The following CACNA2D1 variants were observed in gnomAD, a reference collection of about 807,000 sequenced individuals.
CACNA2D1 encodes the protein calcium voltage-gated channel auxiliary subunit alpha2delta 1, also known as voltage-dependent calcium channel subunit alpha-2/delta-1.
CACNA2D1 carries 53 observed loss-of-function variants against 171.5 expected under a neutral mutation model. The ratio of observed to expected loss-of-function variants is 0.31; its 90% CI spans 0.25 to 0.39. CACNA2D1 has a LOEUF of 0.39. Among genes scored for constraint, CACNA2D1 ranks in the 10% least tolerant of loss-of-function variants. CACNA2D1 has a pLI of 1.00. For missense variants in CACNA2D1, 903 were observed against 1,299.8 expected (o/e 0.69, Z 4.69); for synonymous variants, 442 against 443.1 (o/e 1.00, Z 0.03).
chr7:82,328,838 T>C (rs1483231895), intron 3 of CACNA2D1, among the ~76,000 whole-genome samples: 2 of 152,170 alleles, frequency 1.3e-5, no homozygotes, highest in African/African-American at 4.8e-5. Context: ...ACTACAGTCT[T>C]TATTCTGTTC....
rs78262868 is a variant in CACNA2D1, at chr7:82,290,273, A to C, written c.294+44862T>G. ...GGATGCCTCAAATATTTTCATGAGG[A>C]GGTAAAGGAGGAGGAGGCATTAATT... is the stretch of plus-strand genomic sequence containing the variant. On this transcript the variant is annotated intron_variant, in intron 3 of 38. Coordinates refer to ENST00000356860, the MANE Select transcript of CACNA2D1 (RefSeq NM_000722.4). Among the ~76,000 whole-genome samples the C allele has an allele frequency of 6.7e-3, 1,015 of 152,240 alleles. 7 individuals are homozygous for C. The highest frequency in any genetic ancestry group is 0.023 in the African/African-American group (952 of 41,550).
At chr7:82,225,981 A>G (rs999398874) in intron 3 of CACNA2D1, among the ~76,000 whole-genome samples, 5 of 152,226 alleles carry the variant, frequency 3.3e-5, no homozygotes, top group African/African-American at 4.8e-5. Context: ...AACCAATTCC[A>G]AAATGTAAAG....
At chr7:82,198,975 A>G (rs1178591085) in intron 3 of CACNA2D1, among the ~76,000 whole-genome samples, 4 of 152,062 alleles carry the variant, frequency 2.6e-5, no homozygotes, top group African/African-American at 9.7e-5. Context: ...TCACATTTAC[A>G]AGGAAGAATT....
intron 3 of CACNA2D1, among the ~76,000 whole-genome samples, chr7:82,278,662 T>C (rs1809680024): frequency 6.6e-6 from 1 of 151,906 alleles, no homozygotes; most frequent in African/African-American, 2.4e-5. Context: ...AAGTCTGTTA[T>C]AAAACTCATG....
At position 82,138,327 on chromosome 7, in the gene CACNA2D1, A is replaced by G. The variant is rs193102229; in HGVS notation, c.355-1651T>C. Among the ~76,000 whole-genome samples the G allele has an allele frequency of 9.1e-4, 138 of 152,272 alleles. 1 individual carries two copies. The highest frequency in any genetic ancestry group is 3.0e-3 in the African/African-American group (125 of 41,592). ...AATTTGAATTTCATTTAGAATCACTAAAGTTTTACATTATTTGATTTTCAA... is the reference window on the plus strand; with the variant it reads ...AATTTGAATTTCATTTAGAATCACTGAAGTTTTACATTATTTGATTTTCAA... On this transcript the variant is annotated intron_variant, in intron 4 of 38. Coordinates refer to ENST00000356860, the MANE Select transcript of CACNA2D1 (RefSeq NM_000722.4).
intron 3 of CACNA2D1, among the ~76,000 whole-genome samples, chr7:82,181,487 A>C (rs1346276581): frequency 6.6e-6 from 1 of 152,218 alleles, no homozygotes; most frequent in Non-Finnish European, 1.5e-5. Flanking sequence ...ATCTCTCCCT[A>C]GGTCTACTGA....
intron 5 of CACNA2D1, among the ~76,000 whole-genome samples, chr7:82,125,728 A>G (rs1392634493): frequency 6.6e-6 from 1 of 152,154 alleles, no homozygotes; most frequent in African/African-American, 2.4e-5. Context: ...AAAAAATAAA[A>G]TTGAACATAT....
intron 7 of CACNA2D1, among the ~76,000 whole-genome samples, chr7:82,067,353 A>G (rs944978788): frequency 6.6e-6 from 1 of 152,296 alleles, no homozygotes; most frequent in African/African-American, 2.4e-5. Context: ...TCCTGGGCAA[A>G]TGCCTAGTTC....
At chr7:82,031,369 C>T (rs1172609179) in intron 12 of CACNA2D1, among the ~76,000 whole-genome samples, 1 of 151,866 alleles carries the variant, frequency 6.6e-6, no homozygotes, top group East Asian at 1.9e-4. Flanking sequence ...TGGATATTCC[C>T]ATTCATTTCT....
At chr7:82,391,604 T>G (rs1825134428) in intron 1 of CACNA2D1, among the ~76,000 whole-genome samples, 1 of 152,208 alleles carries the variant, frequency 6.6e-6, no homozygotes, top group Admixed American at 6.5e-5. Flanking sequence ...AATTTTTTTG[T>G]CTTTTATGTT....
intron 5 of CACNA2D1, among the ~76,000 whole-genome samples, chr7:82,123,669 A>G (rs2129060295): frequency 6.6e-6 from 1 of 152,266 alleles, no homozygotes; most frequent in African/African-American, 2.4e-5. Context: ...CACTGCATTC[A>G]CTTCCCTACT....
At chr7:82,357,031 T>C (rs1392125335) in intron 1 of CACNA2D1, among the ~76,000 whole-genome samples, 1 of 152,146 alleles carries the variant, frequency 6.6e-6, no homozygotes, top group African/African-American at 2.4e-5. Flanking sequence ...TTGAGGCAAA[T>C]ATTTTATTGA....
At chr7:82,272,412 C>T (rs1808757976) in intron 3 of CACNA2D1, among the ~76,000 whole-genome samples, 1 of 152,164 alleles carries the variant, frequency 6.6e-6, no homozygotes, top group Non-Finnish European at 1.5e-5. Context: ...GATACATCTT[C>T]CTTCAAGTGG....
intron 3 of CACNA2D1, among the ~76,000 whole-genome samples, chr7:82,261,860 G>A (rs1015036849): frequency 1.3e-5 from 2 of 152,116 alleles, no homozygotes; most frequent in Admixed American, 1.3e-4. Context: ...TGTTAATGTG[G>A]GAGCTGACAA....
Position 82,269,230 on chromosome 7 carries a change from C to T in CACNA2D1, c.294+65905G>A, listed in dbSNP as rs1268065686. Among the ~76,000 whole-genome samples, 7 of 152,188 alleles carry T rather than the reference C, an allele frequency of 4.6e-5. No homozygotes were observed. In the East Asian group the frequency reaches 1.4e-3, roughly 29 times the overall value. On this transcript the variant is annotated intron_variant, in intron 3 of 38. Transcript: ENST00000356860. ...TAGCTTCCTGCATCTGATTTTGAACCCCTCTGACTCATACACCCCTTACAG... is the reference window on the plus strand; with the variant it reads ...TAGCTTCCTGCATCTGATTTTGAACTCCTCTGACTCATACACCCCTTACAG...
chr7:82,313,753 C>T (rs1192918167), intron 3 of CACNA2D1, among the ~76,000 whole-genome samples: 1 of 152,102 alleles, frequency 6.6e-6, no homozygotes, highest in East Asian at 1.9e-4. Flanking sequence ...TTCAGCATAC[C>T]TTTAGAGGGC....
At chr7:82,278,062 A>T (rs1809590128) in intron 3 of CACNA2D1, among the ~76,000 whole-genome samples, 1 of 152,044 alleles carries the variant, frequency 6.6e-6, no homozygotes, top group Admixed American at 6.6e-5. Context: ...CTGAATTTTT[A>T]AAAAATAATT....
intron 1 of CACNA2D1, among the ~76,000 whole-genome samples, chr7:82,393,757 T>A (rs1398500883): frequency 2.6e-5 from 4 of 152,144 alleles, no homozygotes; most frequent in Non-Finnish European, 5.9e-5. Context: ...CTTAAAACAT[T>A]GTAAAAAAAT....
chr7:82,048,395 T>G (rs1486212168), intron 10 of CACNA2D1, among the ~76,000 whole-genome samples: 1 of 152,122 alleles, frequency 6.6e-6, no homozygotes, highest in African/African-American at 2.4e-5. Flanking sequence ...GTGAATTAGT[T>G]GTAGAAAAAA....
Sources: allele counts gnomAD v4.1 joint callset (sites outside exome capture counted in the v4.1 genomes callset), GRCh38; gene constraint gnomAD v4.1.1; transcripts MANE v1.5; gene names NCBI Gene and HGNC (gene_info 2026-07-23, HGNC 2026-07-21).